The following HPRT1 variants were observed in gnomAD, a reference collection of about 807,000 sequenced individuals.
HPRT1 encodes hypoxanthine phosphoribosyltransferase 1, also known as hypoxanthine-guanine phosphoribosyltransferase.
HPRT1 carries 4 observed loss-of-function variants against 19.0 expected under a neutral mutation model. The observed-to-expected ratio is 0.21, with a 90% CI of 0.10 to 0.48. The LOEUF (loss-of-function observed/expected upper bound fraction) is 0.48, where lower values mean the gene tolerates loss of function less well. Ranked by LOEUF, HPRT1 falls within the 20% of genes least tolerant of loss-of-function variation. HPRT1 has a pLI of 0.98. For missense variants in HPRT1, 65 were observed against 164.0 expected, an observed-to-expected ratio of 0.40 and a Z score of 3.30; for synonymous variants, 53 against 54.9, an observed-to-expected ratio of 0.97 and a Z score of 0.15.
chrX:134,490,092 G>A, intron 4 of HPRT1, 96 bp from the exon 5 acceptor site: 1 of 489,707 alleles, frequency 2.0e-6, no homozygotes, highest in Non-Finnish European at 3.4e-6. Flanking sequence ...ACAAGAGTTT[G>A]GATAATTCCT....
chrX:134,498,911 A>G (rs1229306203), intron 8 of HPRT1, among the ~76,000 whole-genome samples: 1 of 111,858 alleles, frequency 8.9e-6, no homozygotes, highest in Non-Finnish European at 1.9e-5. Context: ...ATATACAATA[A>G]TTGTTGCATT....
At chrX:134,473,226 A>G in intron 1 of HPRT1, 133 bp from the exon 2 acceptor site, 1 of 490,261 alleles carries the variant, frequency 2.0e-6, no homozygotes, top group African/African-American at 2.3e-5. Flanking sequence ...CATACCTACA[A>G]AGTTAACAGT....
chrX:134,487,755 A>G (rs192876981), intron 4 of HPRT1, among the ~76,000 whole-genome samples: 2 of 112,319 alleles, frequency 1.8e-5, no homozygotes, highest in African/African-American at 6.5e-5. Context: ...GCATCTTTGG[A>G]AAACTTCAGA....
chrX:134,486,440 T>C, intron 3 of HPRT1, 25 bp from the exon 4 acceptor site: 1 of 851,665 alleles, frequency 1.2e-6, no homozygotes. Context: ...TATATATATA[T>C]ATAGTTTTTT....
Position 134,498,704 on chromosome X carries a change from T to C in HPRT1, c.609+20T>C, listed in dbSNP as rs780870313. 12 of 1,015,459 alleles carry C rather than the reference T, an allele frequency of 1.2e-5. No homozygotes were observed. In the South Asian group the frequency reaches 1.7e-4, roughly 14 times the overall value. 83.7% of individuals were successfully genotyped at this position (1,015,459 alleles called of 1,213,427 possible). On this transcript the variant is annotated intron_variant, in intron 8 of 8. Transcript: ENST00000298556. ...TTGAATGTAAGTAATTGCTTCTTTT[T>C]CTCACTCATTTTTCAAAACACGCAT...
intron 8 of HPRT1, among the ~76,000 whole-genome samples, chrX:134,499,728 C>T (rs774341756): frequency 2.8e-5 from 3 of 108,942 alleles, no homozygotes; most frequent in South Asian, 8.0e-4. Flanking sequence ...GGCGTGAACC[C>T]GGGAGGCAGA....
At chrX:134,488,019 T>G (rs907777358) in intron 4 of HPRT1, among the ~76,000 whole-genome samples, 9 of 111,680 alleles carry the variant, frequency 8.1e-5, no homozygotes, top group Non-Finnish European at 1.3e-4. Flanking sequence ...TAACTTTCTT[T>G]TCATGATAGT....
intron 6 of HPRT1, among the ~76,000 whole-genome samples, chrX:134,495,144 TG>T (rs1408716882): frequency 1.9e-5 from 2 of 104,960 alleles, no homozygotes; most frequent in Non-Finnish European, 3.9e-5. Context: ...AGTGGCCTAC[TG>T]TGATCACACC....
intron 1 of HPRT1, among the ~76,000 whole-genome samples, chrX:134,468,846 G>A: frequency 1.8e-5 from 2 of 111,565 alleles, no homozygotes; most frequent in Non-Finnish European, 3.8e-5. Flanking sequence ...TGTCAAGCTG[G>A]GAAAAGTTGT....
chrX:134,464,266 A>G (rs2077591521), intron 1 of HPRT1, among the ~76,000 whole-genome samples: 1 of 112,295 alleles, frequency 8.9e-6, no homozygotes, highest in South Asian at 3.6e-4. Flanking sequence ...CTGATATGAA[A>G]TTGGAAGATG....
intron 5 of HPRT1, among the ~76,000 whole-genome samples, chrX:134,492,758 C>CT (rs1405149431): frequency 8.9e-6 from 1 of 111,887 alleles, no homozygotes; most frequent in Non-Finnish European, 1.9e-5. Context: ...GGAGGGAACC[C>CT]TTCTGTGTGT....
At chrX:134,499,684 G>A (rs2077690418) in intron 8 of HPRT1, among the ~76,000 whole-genome samples, 1 of 104,421 alleles carries the variant, frequency 9.6e-6, no homozygotes, top group South Asian at 4.5e-4. Flanking sequence ...GGCGCCTATA[G>A]TCTCAGCTAC....
At chrX:134,481,679 C>G (rs1418204500) in intron 3 of HPRT1, among the ~76,000 whole-genome samples, 3 of 111,515 alleles carry the variant, frequency 2.7e-5, no homozygotes, top group African/African-American at 6.5e-5. Flanking sequence ...CTTTACAGAA[C>G]TAGGTTCAAA....
chrX:134,493,677 CTG>C (rs2077673545), intron 6 of HPRT1, 87 bp downstream of exon 6: 2 of 623,843 alleles, frequency 3.2e-6, no homozygotes, highest in Non-Finnish European at 5.5e-6. Context: ...ATGTTTTCAA[CTG>C]TCATTTTATC....
At chrX:134,496,690 G>A (rs997612603) in intron 6 of HPRT1, among the ~76,000 whole-genome samples, 3 of 111,940 alleles carry the variant, frequency 2.7e-5, no homozygotes, top group African/African-American at 6.5e-5. Flanking sequence ...TGGAGTCTCC[G>A]GCTTAGGTCA....
chrX:134,478,185 C>T (rs946946469), intron 3 of HPRT1, among the ~76,000 whole-genome samples: 4 of 111,519 alleles, frequency 3.6e-5, no homozygotes, highest in East Asian at 5.6e-4. Context: ...CTGGCTGATC[C>T]GTACTAATCC....
At chrX:134,488,462 T>C (rs1203640555) in intron 4 of HPRT1, among the ~76,000 whole-genome samples, 1 of 111,042 alleles carries the variant, frequency 9.0e-6, no homozygotes, top group Non-Finnish European at 1.9e-5. Context: ...GGGGTATTTT[T>C]GTGTGCAGAT....
chrX:134,460,244 C>CTCCTCCTCTGCTCCGCCACCGGCT lies in HPRT1; in HGVS notation c.-59_-36dup. On this transcript the variant is annotated 5_prime_UTR_variant, in exon 1 of 9. Coordinates refer to ENST00000298556, the MANE Select transcript of HPRT1 (RefSeq NM_000194.3). The stretch of plus-strand genomic sequence containing the variant: ...GCGCCGCCTCTTGCTGCGCCTCCGC[C>CTCCTCCTCTGCTCCGCCACCGGCT]TCCTCCTCTGCTCCGCCACCGGCTT... The CTCCTCCTCTGCTCCGCCACCGGCT allele has an allele frequency of 9.2e-7, 1 of 1,088,433 alleles. No individual in the cohort carries two copies. Among genetic ancestry groups the CTCCTCCTCTGCTCCGCCACCGGCT allele is most frequent in the South Asian group, 2.0e-5 (1 of 50,323 alleles). 89.7% of individuals were successfully genotyped at this position (1,088,433 alleles called of 1,213,427 possible).
chrX:134,485,645 G>C (rs1485791846), intron 3 of HPRT1, among the ~76,000 whole-genome samples: 1 of 111,841 alleles, frequency 8.9e-6, no homozygotes, highest in African/African-American at 3.2e-5. Context: ...TTCTGGGTCT[G>C]TTTCTGGGCT....
Sources: allele counts gnomAD v4.1 joint callset (sites outside exome capture counted in the v4.1 genomes callset), GRCh38; gene constraint gnomAD v4.1.1; transcripts MANE v1.5; gene names NCBI Gene and HGNC (gene_info 2026-07-23, HGNC 2026-07-21).